The following TENT4B variants were observed in gnomAD, a reference collection of about 807,000 sequenced individuals.
The protein encoded by TENT4B is terminal nucleotidyltransferase 4B.
TENT4B carries 10 observed loss-of-function variants against 75.0 expected under a neutral mutation model. The observed-to-expected ratio is 0.13, with a 90% confidence interval of 0.08 to 0.23. The LOEUF is 0.23. Among genes scored for constraint, TENT4B ranks in the 10% least tolerant of loss-of-function variants. TENT4B has a pLI of 1.00. For missense variants in TENT4B, 579 were observed against 893.8 expected (o/e 0.65, Z 4.49); for synonymous variants, 350 against 357.7 (o/e 0.98, Z 0.24).
chr16:50,171,516 C>T (rs1230904610), intron 1 of TENT4B, among the ~76,000 whole-genome samples: 4 of 152,176 alleles, frequency 2.6e-5, no homozygotes. Context: ...TAATAAGGGC[C>T]TTGGTCTCCC....
At chr16:50,193,448 CT>C (rs1276352915) in intron 1 of TENT4B, among the ~76,000 whole-genome samples, 1 of 151,426 alleles carries the variant, frequency 6.6e-6, no homozygotes, top group Non-Finnish European at 1.5e-5. Context: ...AGCAATTCTC[CT>C]GCCTCAGCCT....
chr16:50,232,838 AAT>A lies in TENT4B; in HGVS notation c.*3513_*3514del. ...TAGTTTGATCAGTTCCTTGAATTCT[AAT>A]ATGTTGATTTCTCAGTGTTTCTGTC... On this transcript the variant is annotated 3_prime_UTR_variant, in exon 12 of 12. Transcript: ENST00000561678. The A allele has an allele frequency of 3.0e-6, 3 of 985,354 alleles. No individual in the cohort carries two copies. Among genetic ancestry groups the A allele is most frequent in the African/African-American group, 3.5e-5 (2 of 57,360 alleles). The allele number at this position is 985,354 out of a possible 1,614,324, so 61.0% of individuals were successfully genotyped here.
rs1413502255 is a variant in TENT4B at position 50,234,678 on chromosome 16, C to T, written c.*5350C>T. On this transcript the variant is annotated 3_prime_UTR_variant, in exon 12 of 12. Transcript: ENST00000561678. ...AAAGTCCTACAATCCTAAAATAAAT[C>T]ACAAGCTTGTTTGTTAGACGTGTCA... is the stretch of plus-strand genomic sequence containing the variant. The T allele has an allele frequency of 9.1e-6, 9 of 985,234 alleles. No homozygotes were observed. The highest frequency in any genetic ancestry group is 1.7e-5 in the African/African-American group (1 of 57,208). 61.0% of individuals were successfully genotyped at this position (985,234 alleles called of 1,614,324 possible). A position where few individuals can be genotyped will look rare whatever the true frequency, so the allele number is the denominator to read the frequency against.
In TENT4B at chr16:50,225,315, C is replaced by T. The variant is rs540828723; in HGVS notation, c.1800+30C>T. 14 of 1,579,074 alleles carry T rather than the reference C, an allele frequency of 8.9e-6. No homozygotes were observed. The African/African-American group carries it at 1.8e-4, about 20-fold the overall frequency. ...GTATGAAAGCCTCGGCTCTTCTGAA[C>T]TCAGATGCATGCACGTTCTCTTGCT... is the stretch of plus-strand genomic sequence containing the variant. On this transcript the variant is annotated intron_variant, in intron 10 of 11. Coordinates refer to ENST00000561678, the MANE Select transcript of TENT4B (RefSeq NM_001365324.3).
intron 1 of TENT4B, among the ~76,000 whole-genome samples, chr16:50,206,486 G>T (rs2030977563): frequency 6.6e-6 from 1 of 151,530 alleles, no homozygotes; most frequent in Non-Finnish European, 1.5e-5. Flanking sequence ...GATGAATTTG[G>T]TAATAAAACA....
In TENT4B at chr16:50,153,456, C is replaced by G. The variant is rs999712420; in HGVS notation, c.-166C>G. On this transcript the variant is annotated 5_prime_UTR_variant, in exon 1 of 12. Coordinates refer to ENST00000561678, the MANE Select transcript of TENT4B (RefSeq NM_001365324.3). ...GACGCCGCCGGCGCCGGCCGGGCTCCCTGCGCGACCGCGCCGCCCGCGGCG... is the reference window on the plus strand; with the variant it reads ...GACGCCGCCGGCGCCGGCCGGGCTCGCTGCGCGACCGCGCCGCCCGCGGCG... 7.4e-6 allele frequency: 7 copies of G among 949,732 alleles called. No individual in the cohort carries two copies. Among genetic ancestry groups the G allele is most frequent in the Non-Finnish European group, 8.7e-6 (7 of 800,468 alleles). 58.8% of individuals were successfully genotyped at this position (949,732 alleles called of 1,614,324 possible).
At chr16:50,228,129 C>A in intron 11 of TENT4B, 126 bp downstream of exon 11, 2 of 1,215,580 alleles carry the variant, frequency 1.6e-6, no homozygotes, top group Non-Finnish European at 2.3e-6. Flanking sequence ...TTATTTTATT[C>A]TAAGAGGTTC....
At chr16:50,224,550 C>T in intron 7 of TENT4B, 107 bp from the exon 8 acceptor site, 1 of 1,422,680 alleles carries the variant, frequency 7.0e-7, no homozygotes, top group Admixed American at 2.0e-5. Context: ...CCAGGCACAA[C>T]TCTGGTGGGA....
At chr16:50,203,291 A>AG (rs1295855974) in intron 1 of TENT4B, among the ~76,000 whole-genome samples, 2 of 152,192 alleles carry the variant, frequency 1.3e-5, no homozygotes, top group Non-Finnish European at 2.9e-5. Context: ...CAAATTATTT[A>AG]GGGGAGGGAA....
At chr16:50,204,676 A>T (rs1181067838) in intron 1 of TENT4B, among the ~76,000 whole-genome samples, 1 of 152,162 alleles carries the variant, frequency 6.6e-6, no homozygotes, top group African/African-American at 2.4e-5. Context: ...GCTTGAAGAA[A>T]ATCAAACAGT....
At position 50,216,563 on chromosome 16, in the gene TENT4B, C is replaced by T. The variant is rs548287165; in HGVS notation, c.930+368C>T. 2.0e-5 allele frequency among the ~76,000 whole-genome samples: 3 copies of T among 152,360 alleles called. No individual in the cohort carries two copies. The South Asian group carries it at 6.2e-4, about 32-fold the overall frequency. ...CTGGGCTCAAGTGATCCACCCACCTCTGCCTCCCAAAATGCTGGGATTACA... is the reference window on the plus strand; with the variant it reads ...CTGGGCTCAAGTGATCCACCCACCTTTGCCTCCCAAAATGCTGGGATTACA... On this transcript the variant is annotated intron_variant, in intron 4 of 11. Transcript: ENST00000561678.
intron 1 of TENT4B, among the ~76,000 whole-genome samples, chr16:50,194,155 TC>T (rs1337305215): frequency 6.6e-6 from 1 of 152,172 alleles, no homozygotes; most frequent in African/African-American, 2.4e-5. Flanking sequence ...AATTTTTTTC[TC>T]TTTTGAGATA....
At chr16:50,163,440 T>G (rs967564165) in intron 1 of TENT4B, among the ~76,000 whole-genome samples, 2 of 148,524 alleles carry the variant, frequency 1.3e-5, no homozygotes, top group Non-Finnish European at 3.0e-5. Flanking sequence ...TTTTTTGAGA[T>G]GGAGTCTCGC....
At chr16:50,162,939 A>T (rs573033994) in intron 1 of TENT4B, among the ~76,000 whole-genome samples, 4 of 152,304 alleles carry the variant, frequency 2.6e-5, no homozygotes, top group African/African-American at 9.6e-5. Flanking sequence ...TGGTGGTGGT[A>T]AAGTTTTCTT....
intron 1 of TENT4B, among the ~76,000 whole-genome samples, chr16:50,169,019 A>G (rs566409937): frequency 1.3e-5 from 2 of 152,334 alleles, no homozygotes; most frequent in South Asian, 2.1e-4. Context: ...CATAATCGTA[A>G]CACCATTATT....
chr16:50,229,525 A>C lies in TENT4B; in HGVS notation c.*197A>C. Reference sequence around the variant, plus strand: ...AAAAAACAAAACAAAACAAAAAAAAAAGCAAGCAAAAAAGAGGGAAAAAAA... The same window carrying C: ...AAAAAACAAAACAAAACAAAAAAAACAGCAAGCAAAAAAGAGGGAAAAAAA... On this transcript the variant is annotated 3_prime_UTR_variant, in exon 12 of 12. Transcript: ENST00000561678. The C allele has an allele frequency of 7.9e-7, 1 of 1,261,680 alleles. No individual in the cohort carries two copies. Among genetic ancestry groups the C allele is most frequent in the Admixed American group, 4.2e-5 (1 of 23,870 alleles). 78.2% of individuals were successfully genotyped at this position (1,261,680 alleles called of 1,614,324 possible).
At chr16:50,189,813 G>A (rs1280079393) in intron 1 of TENT4B, among the ~76,000 whole-genome samples, 4 of 151,840 alleles carry the variant, frequency 2.6e-5, no homozygotes, top group South Asian at 4.1e-4. Flanking sequence ...TTGGGAGGCC[G>A]AGGCAGGCAG....
intron 1 of TENT4B, among the ~76,000 whole-genome samples, chr16:50,158,445 A>T (rs2037942710): frequency 6.6e-6 from 1 of 152,184 alleles, no homozygotes; most frequent in South Asian, 2.1e-4. Flanking sequence ...TCCCCTCCAG[A>T]ACTGGCCATG....
chr16:50,161,772 C>G (rs2038006103), intron 1 of TENT4B, among the ~76,000 whole-genome samples: 1 of 152,172 alleles, frequency 6.6e-6, no homozygotes, highest in Non-Finnish European at 1.5e-5. Context: ...ATGTCAAGAA[C>G]CAGGAAATTG....
Sources: gnomAD v4.1 joint callset for allele counts (sites outside exome capture counted in the v4.1 genomes callset) on GRCh38, gnomAD v4.1.1 for gene constraint, MANE v1.5 for transcripts, NCBI Gene and HGNC (gene_info 2026-07-23, HGNC 2026-07-21) for gene names.